The following ADAR variants were observed in gnomAD, a reference collection of about 807,000 sequenced individuals.
ADAR encodes double-stranded RNA-specific adenosine deaminase.
ADAR carries 41 observed loss-of-function variants against 113.2 expected under a neutral mutation model. That is an observed-to-expected ratio of 0.36 (90% CI 0.28 to 0.47). The LOEUF is 0.47. ADAR is among the 20% of genes least tolerant of loss of function. The pLI is 1.00. For missense variants in ADAR, 1,242 were observed against 1,540.9 expected (o/e 0.81, Z 3.25); for synonymous variants, 605 against 572.6 (o/e 1.06, Z -0.81).
chr1:154,601,938 G>A lies in ADAR; in HGVS notation c.704C>T (p.Thr235Ile). 2.5e-6 allele frequency: 4 copies of A among 1,614,028 alleles called. No homozygotes were observed. The highest frequency in any genetic ancestry group is 3.4e-6 in the Non-Finnish European group (4 of 1,180,008). Residue 235 changes from threonine (T) to isoleucine (I), a missense_variant, in exon 2 of 15, where the codon ACA (threonine) becomes ATA (isoleucine). Physicochemically the swap from Thr to Ile is moderately conservative, Grantham distance 89. Coordinates refer to ENST00000368474, the MANE Select transcript of ADAR (RefSeq NM_001111.5). The surrounding 1 kb of genome is among the most constrained non-coding windows in gnomAD (Gnocchi z 4.7). ...PSLEPEDRNS[T>I]SVSEDLLEPF... ...CTCAAGAAGATCTTCTGAGACAGAT[G>A]TGGAGTTTCTGTCTTCCGGTTCCAA...
intron 6 of ADAR, among the ~76,000 whole-genome samples, chr1:154,595,204 C>T (rs543104901): frequency 5.3e-5 from 8 of 152,252 alleles, no homozygotes; most frequent in Admixed American, 3.3e-4. Context: ...ACTGTGAATG[C>T]GAGGGATCTA....
intron 1 of ADAR, among the ~76,000 whole-genome samples, chr1:154,618,938 C>T (rs946294991): frequency 6.6e-6 from 1 of 152,086 alleles, no homozygotes; most frequent in Non-Finnish European, 1.5e-5. Context: ...GGCGAAACCC[C>T]GTCTCTACTA....
intron 1 of ADAR, among the ~76,000 whole-genome samples, chr1:154,606,832 C>T (rs570257840): frequency 6.6e-6 from 1 of 152,148 alleles, no homozygotes; most frequent in Admixed American, 6.5e-5. Context: ...AGCACTACCC[C>T]CTTTGCCTTT....
chr1:154,627,037 T>C (rs1213277660), intron 1 of ADAR, among the ~76,000 whole-genome samples: 1 of 152,150 alleles, frequency 6.6e-6, no homozygotes, highest in Non-Finnish European at 1.5e-5. Context: ...TAGGCCTCTG[T>C]TTGCAAGTCT....
intron 9 of ADAR, 70 bp from the exon 10 acceptor site, chr1:154,588,743 C>T: frequency 6.3e-7 from 1 of 1,596,286 alleles, no homozygotes; most frequent in Non-Finnish European, 8.6e-7. Flanking sequence ...TATAATCTGA[C>T]CTCCAAATGA....
Position 154,619,632 on chromosome 1 carries a change from CA to C in ADAR, c.-871+8222del, listed in dbSNP as rs950283700. On this transcript the variant is annotated intron_variant, in intron 1 of 14. Transcript: ENST00000368471. ...AGAGGAAGGTTAATAAGAACAACAACAAAAAAAACAAAACTACTTACTGCAT... is the reference window on the plus strand; with the variant it reads ...AGAGGAAGGTTAATAAGAACAACAACAAAAAAACAAAACTACTTACTGCAT... 5.9e-5 allele frequency among the ~76,000 whole-genome samples: 9 copies of C among 151,594 alleles called. 2 individuals carry two copies. Among genetic ancestry groups the C allele is most frequent in the African/African-American group, 2.2e-4 (9 of 41,342 alleles).
intron 1 of ADAR, among the ~76,000 whole-genome samples, chr1:154,622,176 C>T (rs996376169): frequency 6.6e-6 from 1 of 152,114 alleles, no homozygotes; most frequent in African/African-American, 2.4e-5. Flanking sequence ...GGCTCTGCCA[C>T]ATATCCTGCG....
rs1224714338 is a variant in ADAR at position 154,598,600 on chromosome 1, ATTAGATGTGTGAACAG to A, written c.1602-31_1602-16del. The stretch of plus-strand genomic sequence containing the variant: ...GGAATTTAAATCTTGACGGAAAGTG[ATTAGATGTGTGAACAG>A]GAGTCTAGGTCACTCCTTCTGCCTT... On this transcript the variant is annotated splice_polypyrimidine_tract_variant and intron_variant, in intron 2 of 14. Transcript: ENST00000368474. 1.2e-6 allele frequency: 2 copies of A among 1,613,866 alleles called. No homozygotes were observed. Among genetic ancestry groups the A allele is most frequent in the South Asian group, 2.2e-5 (2 of 91,076 alleles).
intron 9 of ADAR, 81 bp downstream of exon 9, chr1:154,589,288 G>T: frequency 9.1e-7 from 1 of 1,094,748 alleles, no homozygotes; most frequent in Non-Finnish European, 1.4e-6. Flanking sequence ...GGGATTCAGA[G>T]GCCGTGTCAG....
intron 1 of ADAR, among the ~76,000 whole-genome samples, chr1:154,607,699 C>G (rs148094313): frequency 6.6e-6 from 1 of 151,912 alleles, no homozygotes; most frequent in Non-Finnish European, 1.5e-5. Flanking sequence ...AATTCCTAAA[C>G]CAGCAATGCT....
chr1:154,610,742 G>A (rs1335703326), upstream of ADAR, among the ~76,000 whole-genome samples: 5 of 144,936 alleles, frequency 3.4e-5, no homozygotes, highest in African/African-American at 5.1e-5. Flanking sequence ...GCAGGGAGTC[G>A]GAGGTTGCAG....
rs573189227 is a variant in ADAR, at chr1:154,602,773, T to C, written c.16-147A>G. The stretch of plus-strand genomic sequence containing the variant: ...GGGCTTATGACTTGGCTAGGGTGAC[T>C]TGCCTACCTCCTAAATCCTGCCTAG... On this transcript the variant is annotated intron_variant, in intron 1 of 14. Transcript: ENST00000368474. 9 of 992,206 alleles carry C rather than the reference T, an allele frequency of 9.1e-6. No homozygotes were observed. In the African/African-American group the frequency reaches 1.1e-4, roughly 13 times the overall value. 61.5% of individuals were successfully genotyped at this position (992,206 alleles called of 1,614,324 possible). A position where few individuals can be genotyped will look rare whatever the true frequency, so the allele number is the denominator to read the frequency against.
chr1:154,623,969 C>T (rs1388941912), intron 1 of ADAR, among the ~76,000 whole-genome samples: 5 of 151,446 alleles, frequency 3.3e-5, no homozygotes. Context: ...TGCCACTGCA[C>T]TCCAGCCTGG....
At chr1:154,623,997 G>A (rs528972399) in intron 1 of ADAR, among the ~76,000 whole-genome samples, 3 of 149,116 alleles carry the variant, frequency 2.0e-5, no homozygotes, top group East Asian at 2.0e-4. Context: ...AGAGCAAGAC[G>A]AGCAAGACTC....
Position 154,601,050 on chromosome 1 carries a change from T to G in ADAR, c.1592A>C (p.His531Pro). ...CTGGGTGGTCTCTTACCGAGGTTCA[T>G]GGGGTGGTCCACTCTGCTCTATCAT... ...FNMIEQSGPP[H>P]EPRFKFQVVI... The change falls in exon 2 of 15, where the codon CAT (histidine) becomes CCT (proline). Residue 531 changes from histidine (H) to proline (P), a missense_variant. His to Pro is a moderately conservative substitution (Grantham distance 77). This residue lies in a region of ADAR where 780 missense variants were observed against 1,057.9 expected (regional missense o/e 0.74). Transcript: ENST00000368474. This position sits in a 1 kb window ranked among gnomAD's most constrained non-coding sequence, Gnocchi z 4.7. The G allele has an allele frequency of 6.2e-7, 1 of 1,614,126 alleles. No homozygotes were observed. The highest frequency in any genetic ancestry group is 1.1e-5 in the South Asian group (1 of 91,078).
At chr1:154,620,720 T>C (rs559939599) in intron 1 of ADAR, among the ~76,000 whole-genome samples, 3 of 152,368 alleles carry the variant, frequency 2.0e-5, no homozygotes, top group Non-Finnish European at 4.4e-5. Context: ...AGTGTTGGCC[T>C]TTGGGGGTAG....
At chr1:154,608,222 C>T, upstream of ADAR, 1 of 576,270 alleles carries the variant, frequency 1.7e-6, no homozygotes, top group South Asian at 2.4e-5. Flanking sequence ...GCCTTCCCCT[C>T]CGGAAAGTTT....
chr1:154,589,649 A>G, intron 8 of ADAR, 108 bp downstream of exon 8: 1 of 1,406,038 alleles, frequency 7.1e-7, no homozygotes, highest in Non-Finnish European at 1.0e-6. Context: ...AGCTAAAATG[A>G]AGTCTCTTCT....
upstream of ADAR, among the ~76,000 whole-genome samples, chr1:154,611,090 T>C (rs1698473114): frequency 6.6e-6 from 1 of 152,232 alleles, no homozygotes. Context: ...TCCAGTCCAC[T>C]TCCCCATGTT....
Sources: gnomAD v4.1 joint callset for allele counts (sites outside exome capture counted in the v4.1 genomes callset) on GRCh38, gnomAD v4.1.1 for gene constraint, gnomAD v4.1.1 regional missense constraint, Gnocchi (gnomAD v3.1) non-coding constraint, MANE v1.5 for transcripts, NCBI Gene and HGNC (gene_info 2026-07-23, HGNC 2026-07-21) for gene names.